PCDH15: variants seen among roughly 807,000 people sequenced by gnomAD.
PCDH15 encodes protocadherin related 15, also known as protocadherin-15.
In PCDH15, 129 loss-of-function variants were observed where a neutral mutation model predicts 178.5. That is an observed-to-expected ratio of 0.72 (90% confidence interval 0.63 to 0.84). The LOEUF (loss-of-function observed/expected upper bound fraction) is 0.84, where lower values mean the gene tolerates loss of function less well. PCDH15 is among the 40% of genes least tolerant of loss of function. The pLI is 0.00. For synonymous variants in PCDH15, 800 were observed against 732.0 expected, an observed-to-expected ratio of 1.09 and a Z score of -1.50; for missense variants, 2,230 against 2,099.9, an observed-to-expected ratio of 1.06 and a Z score of -1.21.
At chr10:55,294,058 G>A (rs1445737115) in intron 1 of PCDH15, among the ~76,000 whole-genome samples, 3 of 152,146 alleles carry the variant, frequency 2.0e-5, no homozygotes, top group Non-Finnish European at 4.4e-5. Context: ...CCACATGGCT[G>A]AGGAGGTCTC....
chr10:54,990,435 A>G (rs1267170336), intron 2 of PCDH15, among the ~76,000 whole-genome samples: 1 of 152,208 alleles, frequency 6.6e-6, no homozygotes, highest in African/African-American at 2.4e-5. Flanking sequence ...CATATGGAAT[A>G]CTAAGTAGGA....
chr10:55,326,506 C>T (rs1844035358), intron 2 of PCDH15, among the ~76,000 whole-genome samples: 1 of 151,526 alleles, frequency 6.6e-6, no homozygotes, highest in South Asian at 2.1e-4. Context: ...CTGCAGCTTG[C>T]CTGTATAACA....
chr10:54,832,994 T>C (rs896252462), intron 3 of PCDH15, among the ~76,000 whole-genome samples: 2 of 152,156 alleles, frequency 1.3e-5, no homozygotes, highest in Non-Finnish European at 2.9e-5. Flanking sequence ...GGCAGTTCTA[T>C]ATTTATGCAA....
At chr10:54,919,753 C>T (rs1382834647) in intron 2 of PCDH15, among the ~76,000 whole-genome samples, 2 of 152,174 alleles carry the variant, frequency 1.3e-5, no homozygotes, top group Admixed American at 1.3e-4. Context: ...GGTAACCCAA[C>T]AGATTTGAGT....
chr10:53,851,740 A>C (rs2078391331), intron 28 of PCDH15, among the ~76,000 whole-genome samples: 2 of 144,248 alleles, frequency 1.4e-5, no homozygotes, highest in African/African-American at 2.5e-5. Flanking sequence ...ACACACATAT[A>C]TACATATATA....
intron 2 of PCDH15, among the ~76,000 whole-genome samples, chr10:55,579,382 A>G (rs1842561640): frequency 6.6e-6 from 1 of 152,176 alleles, no homozygotes; most frequent in Non-Finnish European, 1.5e-5. Flanking sequence ...CAGCTCCTTC[A>G]GGGAGTAATT....
intron 2 of PCDH15, among the ~76,000 whole-genome samples, chr10:55,105,324 T>G (rs1842649727): frequency 6.6e-6 from 1 of 152,180 alleles, no homozygotes; most frequent in African/African-American, 2.4e-5. Context: ...AAAAGTTTTC[T>G]AAATACATTT....
intron 2 of PCDH15, among the ~76,000 whole-genome samples, chr10:55,117,901 C>T (rs1158499883): frequency 6.6e-6 from 1 of 152,006 alleles, no homozygotes; most frequent in East Asian, 1.9e-4. Context: ...AGAAAATCAC[C>T]ATGGAATATA....
chr10:54,639,458 G>T (rs1192451625), intron 2 of PCDH15, among the ~76,000 whole-genome samples: 1 of 152,050 alleles, frequency 6.6e-6, no homozygotes, highest in African/African-American at 2.4e-5. Flanking sequence ...GGTCTCAGAA[G>T]TTTAAGTTTT....
chr10:55,324,096 C>A (rs1348583159), upstream of PCDH15, among the ~76,000 whole-genome samples: 1 of 152,058 alleles, frequency 6.6e-6, no homozygotes, highest in Non-Finnish European at 1.5e-5. Flanking sequence ...TTTGCTTCTC[C>A]TTTCGTGGAC....
At chr10:54,610,737 G>T (rs1464635459) in intron 2 of PCDH15, among the ~76,000 whole-genome samples, 1 of 151,802 alleles carries the variant, frequency 6.6e-6, no homozygotes, top group Non-Finnish European at 1.5e-5. Context: ...GAGAATAGAA[G>T]AATAAGAGTA....
At chr10:55,098,026 T>C (rs1244385104) in intron 2 of PCDH15, among the ~76,000 whole-genome samples, 2 of 152,118 alleles carry the variant, frequency 1.3e-5, no homozygotes, top group Non-Finnish European at 2.9e-5. Flanking sequence ...TAGTCATGCA[T>C]GACAAATAAT....
At chr10:55,098,928 G>GAGAGAGAGAGAGAGAGAGAGAGAGAGCT (rs1167956809) in intron 2 of PCDH15, among the ~76,000 whole-genome samples, 1 of 147,708 alleles carries the variant, frequency 6.8e-6, no homozygotes, top group African/African-American at 2.5e-5. Flanking sequence ...GAGAGAGAGA[G>GAGAGAGAGAGAGAGAGAGAGAGAGAGCT]AGAGAGCTCT....
intron 3 of PCDH15, among the ~76,000 whole-genome samples, chr10:54,838,125 T>G (rs527833600): frequency 6.6e-6 from 1 of 151,680 alleles, no homozygotes; most frequent in Admixed American, 6.6e-5. Flanking sequence ...CTTGACGAGG[T>G]CCTGTAACCC....
chr10:54,365,931 G>A (rs1487934144), intron 5 of PCDH15, among the ~76,000 whole-genome samples: 1 of 152,046 alleles, frequency 6.6e-6, no homozygotes, highest in African/African-American at 2.4e-5. Flanking sequence ...TAAGAGGGTA[G>A]CATTTAATGC....
intron 15 of PCDH15, among the ~76,000 whole-genome samples, chr10:54,108,054 G>A (rs1264504117): frequency 2.0e-5 from 3 of 152,160 alleles, no homozygotes; most frequent in East Asian, 1.9e-4. Context: ...TGCATGGGAA[G>A]GGTGTCAGTA....
chr10:53,828,461 G>T, intron 31 of PCDH15, 104 bp downstream of exon 31: 2 of 968,142 alleles, frequency 2.1e-6, no homozygotes, highest in South Asian at 1.4e-5. Flanking sequence ...CGCAAAACAA[G>T]GGAATAAGAT....
intron 2 of PCDH15, among the ~76,000 whole-genome samples, chr10:54,558,389 T>G (rs2087596737): frequency 6.6e-6 from 1 of 152,108 alleles, no homozygotes. Context: ...CAAACAACAG[T>G]TTACTTATTG....
intron 2 of PCDH15, among the ~76,000 whole-genome samples, chr10:55,626,141 GAGAA>G (rs1404281566): frequency 2.0e-5 from 3 of 151,284 alleles, no homozygotes; most frequent in Admixed American, 6.6e-5. Flanking sequence ...GCAAGAGAGA[GAGAA>G]AGAGAGAGAG....
Sources: allele counts gnomAD v4.1 joint callset (sites outside exome capture counted in the v4.1 genomes callset), GRCh38; gene constraint gnomAD v4.1.1; transcripts MANE v1.5; gene names NCBI Gene and HGNC (gene_info 2026-07-23, HGNC 2026-07-21).